NEMP2: variants seen among roughly 807,000 people sequenced by gnomAD.
NEMP2 encodes the protein UPF0571 transmembrane protein.
In NEMP2, 53 loss-of-function variants were observed where a neutral mutation model predicts 54.2. That is an observed-to-expected ratio of 0.98 (90% CI 0.78 to 1.23). NEMP2 has a LOEUF of 1.23. NEMP2 is among the 50% of genes most tolerant of loss of function. The pLI is 0.00. For synonymous variants in NEMP2, 197 were observed against 190.3 expected (o/e 1.04, Z -0.29); for missense variants, 455 against 511.3 (o/e 0.89, Z 1.06).
At position 190,519,810 on chromosome 2, in the gene NEMP2, GT is replaced by G. The variant is rs1251763497; in HGVS notation, c.214-628del. On this transcript the variant is annotated intron_variant, in intron 2 of 8. Transcript: ENST00000409150. The surrounding 1 kb of genome is among the most constrained non-coding windows in gnomAD (Gnocchi z 5.4). ...AATGTACAGGCATACCCATTTTATT[GT>G]TTTACATCACTGTGCTTTGCAGATA... 6.6e-6 allele frequency among the ~76,000 whole-genome samples: 1 copy of G among 152,214 alleles called. No homozygotes were observed. Among genetic ancestry groups the G allele is most frequent in the African/African-American group, 2.4e-5 (1 of 41,450 alleles).
chr2:190,528,480 T>C lies in NEMP2; in HGVS notation c.98-3102A>G, dbSNP rs1393597261. On this transcript the variant is annotated intron_variant, in intron 1 of 8. Coordinates refer to ENST00000409150, the MANE Select transcript of NEMP2 (RefSeq NM_001142645.2). The surrounding 1 kb of genome is among the most constrained non-coding windows in gnomAD (Gnocchi z 4.3). ...TTCCTACCTATCGTTGGAAAGGGAGTGCATTCCAGCAGGGCAGGTGAAGAG... is the reference window on the plus strand; with the variant it reads ...TTCCTACCTATCGTTGGAAAGGGAGCGCATTCCAGCAGGGCAGGTGAAGAG... 6.6e-6 allele frequency among the ~76,000 whole-genome samples: 1 copy of C among 151,948 alleles called. No individual in the cohort carries two copies. The highest frequency in any genetic ancestry group is 6.6e-5 in the Admixed American group (1 of 15,250).
chr2:190,610,586 G>A, the NEMP2 span: 1 of 152,108 alleles, frequency 6.6e-6, no homozygotes, highest in Non-Finnish European at 1.5e-5. The surrounding 1 kb of genome is among the most constrained non-coding windows in gnomAD (Gnocchi z 5.4). Context: ...CAAAGCCCTT[G>A]GTAAAATAAC....
At chr2:190,494,197 A>G in the NEMP2 span, among the ~76,000 whole-genome samples, 2 of 152,200 alleles carry the variant, frequency 1.3e-5, no homozygotes, top group African/African-American at 4.8e-5. This position sits in a 1 kb window ranked among gnomAD's most constrained non-coding sequence, Gnocchi z 5.7. Context: ...CCACAGAAAT[A>G]CAAAAGATCA....
rs1176316238 is a variant in NEMP2 at position 190,527,961 on chromosome 2, C to G, written c.98-2583G>C. ...AAAAACTGTCTTCCATGAAACTGGT[C>G]CCTGTTGCTAAAAGGTTGAAGACTG... On this transcript the variant is annotated intron_variant, in intron 1 of 8. Coordinates refer to ENST00000409150, the MANE Select transcript of NEMP2 (RefSeq NM_001142645.2). The surrounding 1 kb of genome is among the most constrained non-coding windows in gnomAD (Gnocchi z 4.0). 6.6e-6 allele frequency among the ~76,000 whole-genome samples: 1 copy of G among 152,144 alleles called. No homozygotes were observed.
the NEMP2 span, among the ~76,000 whole-genome samples, chr2:190,578,010 C>T: frequency 1.3e-5 from 2 of 152,166 alleles, no homozygotes; most frequent in Non-Finnish European, 2.9e-5. The surrounding 1 kb of genome is among the most constrained non-coding windows in gnomAD (Gnocchi z 4.4). Flanking sequence ...AGACAGATCC[C>T]AGGGGATTAA....
At chr2:190,503,508 T>G (rs1690109710), downstream of NEMP2, among the ~76,000 whole-genome samples, 1 of 152,206 alleles carries the variant, frequency 6.6e-6, no homozygotes, top group Non-Finnish European at 1.5e-5. This position sits in a 1 kb window ranked among gnomAD's most constrained non-coding sequence, Gnocchi z 6.3. Flanking sequence ...AGAGATCCTT[T>G]CGGGAGATCT....
At position 190,520,062 on chromosome 2, in the gene NEMP2, AAC is replaced by A. The variant is rs1690702192; in HGVS notation, c.214-881_214-880del. Among the ~76,000 whole-genome samples the A allele has an allele frequency of 6.6e-6, 1 of 152,182 alleles. No homozygotes were observed. Among genetic ancestry groups the A allele is most frequent in the African/African-American group, 2.4e-5 (1 of 41,446 alleles). On this transcript the variant is annotated intron_variant, in intron 2 of 8. Transcript: ENST00000409150. The surrounding 1 kb of genome is among the most constrained non-coding windows in gnomAD (Gnocchi z 5.4). ...AACATAACTTTTATAGGTACTAGGAAACCAAAAAATTTGTATGACTTGCTTTA... is the reference window on the plus strand; with the variant it reads ...AACATAACTTTTATAGGTACTAGGAACAAAAAATTTGTATGACTTGCTTTA...
chr2:190,622,345 T>C, the NEMP2 span, among the ~76,000 whole-genome samples: 1 of 148,384 alleles, frequency 6.7e-6, no homozygotes, highest in Non-Finnish European at 1.5e-5. Flanking sequence ...GAGGCCGAGG[T>C]TGCAGTGAGC....
At chr2:190,463,962 C>T in the NEMP2 span, 1 of 873,636 alleles carries the variant, frequency 1.1e-6, no homozygotes, top group Non-Finnish European at 1.4e-6. The surrounding 1 kb of genome is among the most constrained non-coding windows in gnomAD (Gnocchi z 4.4). Flanking sequence ...CTCCAGGGAT[C>T]TGGTGTCAAC....
the NEMP2 span, among the ~76,000 whole-genome samples, chr2:190,449,579 G>A: frequency 3.3e-5 from 5 of 152,164 alleles, no homozygotes; most frequent in South Asian, 4.2e-4. Flanking sequence ...TGTTTATTGC[G>A]GCACTATTCA....
the NEMP2 span, among the ~76,000 whole-genome samples, chr2:190,594,004 T>C: frequency 8.5e-5 from 13 of 152,208 alleles, no homozygotes; most frequent in Non-Finnish European, 1.8e-4. This position sits in a 1 kb window ranked among gnomAD's most constrained non-coding sequence, Gnocchi z 5.6. Context: ...TGACTTCTCA[T>C]GTGATGAGAA....
chr2:190,601,935 TA>T, the NEMP2 span, among the ~76,000 whole-genome samples: 1 of 152,226 alleles, frequency 6.6e-6, no homozygotes, highest in South Asian at 2.1e-4. This position sits in a 1 kb window ranked among gnomAD's most constrained non-coding sequence, Gnocchi z 5.8. Context: ...TATTAGCCTA[TA>T]GGGAATTCCA....
chr2:190,519,308 G>A lies in NEMP2; in HGVS notation c.214-125C>T. 4 of 662,624 alleles carry A rather than the reference G, an allele frequency of 6.0e-6. No individual in the cohort carries two copies. The South Asian group carries it at 6.1e-5, about 10-fold the overall frequency. The allele number at this position is 662,624 out of a possible 1,614,324, so 41.0% of individuals were successfully genotyped here. A position where few individuals can be genotyped will look rare whatever the true frequency, so the allele number is the denominator to read the frequency against. ...AGGATCTCTGCTCACTGCAACCTGT[G>A]CCTCCAGGGCTCAGGTGACCCTCCC... On this transcript the variant is annotated intron_variant, in intron 2 of 8. Transcript: ENST00000409150. The surrounding 1 kb of genome is among the most constrained non-coding windows in gnomAD (Gnocchi z 5.4).
At chr2:190,435,993 C>T in the NEMP2 span, 1 of 1,569,002 alleles carries the variant, frequency 6.4e-7, no homozygotes, top group Non-Finnish European at 8.6e-7. Flanking sequence ...AGTACAAATT[C>T]TGAAGTTTGT....
chr2:190,596,330 A>G, the NEMP2 span, among the ~76,000 whole-genome samples: 1 of 152,192 alleles, frequency 6.6e-6, no homozygotes, highest in East Asian at 1.9e-4. This position sits in a 1 kb window ranked among gnomAD's most constrained non-coding sequence, Gnocchi z 5.1. Flanking sequence ...GCAAACCACC[A>G]TGGCACGTGT....
At chr2:190,538,094 CAG>C (rs1691437182), upstream of NEMP2, among the ~76,000 whole-genome samples, 1 of 152,114 alleles carries the variant, frequency 6.6e-6, no homozygotes, top group Admixed American at 6.5e-5. This position sits in a 1 kb window ranked among gnomAD's most constrained non-coding sequence, Gnocchi z 4.1. Context: ...CAAACTAAAA[CAG>C]GGAAAAAAAG....
the NEMP2 span, among the ~76,000 whole-genome samples, chr2:190,440,223 TA>T: frequency 6.6e-6 from 1 of 152,220 alleles, no homozygotes; most frequent in Admixed American, 6.5e-5. Context: ...AATAGTTTTT[TA>T]AAAATAGCAT....
At chr2:190,623,897 C>T in the NEMP2 span, among the ~76,000 whole-genome samples, 130 of 152,136 alleles carry the variant, frequency 8.5e-4, no homozygotes, top group African/African-American at 2.1e-3. Context: ...ACCTACAGAA[C>T]GGGAGAAAAT....
chr2:190,423,813 TTTTTA>T, the NEMP2 span, among the ~76,000 whole-genome samples: 1 of 152,208 alleles, frequency 6.6e-6, no homozygotes, highest in Non-Finnish European at 1.5e-5. This position sits in a 1 kb window ranked among gnomAD's most constrained non-coding sequence, Gnocchi z 4.3. Flanking sequence ...GTTATCCCTA[TTTTTA>T]TTTTAACCAT....
Sources: gnomAD v4.1 joint callset for allele counts (sites outside exome capture counted in the v4.1 genomes callset) on GRCh38, gnomAD v4.1.1 for gene constraint, Gnocchi (gnomAD v3.1) non-coding constraint, MANE v1.5 for transcripts, NCBI Gene and HGNC (gene_info 2026-07-23, HGNC 2026-07-21) for gene names.